Variants in AK7 observed in about 807,000 individuals in gnomAD.
AK7 encodes ATP-AMP transphosphorylase 7.
Under a neutral mutation model 96.6 loss-of-function variants are expected in AK7, and 78 were observed. That is an observed-to-expected ratio of 0.81 (90% CI 0.67 to 0.97). The LOEUF (loss-of-function observed/expected upper bound fraction) is 0.97, where lower values mean the gene tolerates loss of function less well. Ranked by LOEUF, AK7 falls within the 50% of genes least tolerant of loss-of-function variation. AK7 has a pLI of 0.00. For missense variants in AK7, 855 were observed against 887.9 expected (o/e 0.96, Z 0.47); for synonymous variants, 302 against 317.2 (o/e 0.95, Z 0.51).
chr14:96,419,246 A>G (rs993022427), intron 4 of AK7, among the ~76,000 whole-genome samples: 10 of 152,216 alleles, frequency 6.6e-5, no homozygotes, highest in Admixed American at 6.5e-5. Context: ...TGACCTGCAC[A>G]TGCAATGTCC....
intron 12 of AK7, among the ~76,000 whole-genome samples, chr14:96,464,634 G>C (rs907426519): frequency 1.3e-5 from 2 of 150,386 alleles, no homozygotes; most frequent in South Asian, 4.2e-4. Context: ...CAGGCTATTA[G>C]TATTGTTTCT....
intron 16 of AK7, among the ~76,000 whole-genome samples, chr14:96,483,563 A>G (rs2140180427): frequency 6.6e-6 from 1 of 152,130 alleles, no homozygotes; most frequent in African/African-American, 2.4e-5. Context: ...CTGGGACTAC[A>G]GGTGTGCACC....
At chr14:96,484,644 T>C (rs1367107405) in intron 16 of AK7, among the ~76,000 whole-genome samples, 2 of 152,232 alleles carry the variant, frequency 1.3e-5, no homozygotes, top group African/African-American at 4.8e-5. Context: ...GTCTTTCTAG[T>C]GAGGCATTTC....
chr14:96,476,505 C>CAAA (rs34683106), intron 14 of AK7, among the ~76,000 whole-genome samples: 5 of 87,334 alleles, frequency 5.7e-5, no homozygotes, highest in Admixed American at 1.3e-4. Context: ...GACTTTGTCT[C>CAAA]AAAAAAAAAA....
chr14:96,439,848 G>A (rs1892865915), intron 6 of AK7, among the ~76,000 whole-genome samples: 1 of 152,068 alleles, frequency 6.6e-6, no homozygotes, highest in Admixed American at 6.6e-5. Context: ...AATGAGAACA[G>A]AGAAATATTT....
At chr14:96,485,411 C>T (rs1463765029) in intron 16 of AK7, among the ~76,000 whole-genome samples, 1 of 152,188 alleles carries the variant, frequency 6.6e-6, no homozygotes, top group Non-Finnish European at 1.5e-5. Flanking sequence ...TCAAATCCCA[C>T]TCCACTCTCT....
intron 15 of AK7, among the ~76,000 whole-genome samples, chr14:96,482,577 G>A (rs1268352465): frequency 1.3e-5 from 2 of 152,052 alleles, no homozygotes; most frequent in African/African-American, 2.4e-5. Flanking sequence ...TTTATGAATT[G>A]AAAATGTATC....
chr14:96,484,674 A>G (rs1050090398), intron 16 of AK7, among the ~76,000 whole-genome samples: 25 of 152,284 alleles, frequency 1.6e-4, no homozygotes, highest in African/African-American at 5.5e-4. Context: ...GTAAAATTCA[A>G]TGTCTACCCC....
chr14:96,425,248 T>G (rs1420706466), intron 5 of AK7, among the ~76,000 whole-genome samples: 1 of 152,180 alleles, frequency 6.6e-6, no homozygotes, highest in Non-Finnish European at 1.5e-5. Context: ...CTCACAGCCA[T>G]CGATAAAGCA....
At chr14:96,400,784 C>G (rs1362326631) in intron 2 of AK7, among the ~76,000 whole-genome samples, 1 of 152,200 alleles carries the variant, frequency 6.6e-6, no homozygotes, top group African/African-American at 2.4e-5. Context: ...GTCACTTACC[C>G]TTAGATCAAT....
chr14:96,412,206 C>T (rs1401899414), intron 4 of AK7, among the ~76,000 whole-genome samples: 2 of 143,708 alleles, frequency 1.4e-5, no homozygotes, highest in Non-Finnish European at 3.0e-5. Context: ...ACTCCTGGTA[C>T]TTTCTTCCTT....
At chr14:96,451,131 A>T (rs1893578786) in intron 9 of AK7, among the ~76,000 whole-genome samples, 1 of 152,182 alleles carries the variant, frequency 6.6e-6, no homozygotes, top group Non-Finnish European at 1.5e-5. Flanking sequence ...AAACTGCAGT[A>T]TTCAAAAAGT....
intron 15 of AK7, among the ~76,000 whole-genome samples, chr14:96,479,789 GAGAA>G (rs746810540): frequency 5.2e-4 from 79 of 152,192 alleles, no homozygotes; most frequent in Non-Finnish European, 8.8e-4. Context: ...TGGGCTTGGT[GAGAA>G]AGAACCAGCT....
chr14:96,432,202 C>CATT (rs1306999196), intron 5 of AK7, among the ~76,000 whole-genome samples: 6 of 101,194 alleles, frequency 5.9e-5, no homozygotes, highest in Non-Finnish European at 1.1e-4. Context: ...GCAACCCCTG[C>CATT]TTTTTTTTTT....
chr14:96,398,558 C>T (rs143647525), intron 2 of AK7: 143 of 378,482 alleles, frequency 3.8e-4, no homozygotes, highest in African/African-American at 2.7e-3. Context: ...TTATCCAAGA[C>T]GAGTCTGTGC....
At chr14:96,413,629 C>G (rs1891166760) in intron 4 of AK7, among the ~76,000 whole-genome samples, 1 of 152,174 alleles carries the variant, frequency 6.6e-6, no homozygotes, top group Non-Finnish European at 1.5e-5. Flanking sequence ...TACACCCTGC[C>G]CACATCTTCG....
At chr14:96,465,167 G>C (rs1894486336) in intron 12 of AK7, among the ~76,000 whole-genome samples, 1 of 152,120 alleles carries the variant, frequency 6.6e-6, no homozygotes, top group East Asian at 1.9e-4. Flanking sequence ...CTGTATTAAA[G>C]ACCTAAAAAT....
intron 4 of AK7, among the ~76,000 whole-genome samples, chr14:96,409,764 A>G (rs1184562257): frequency 6.6e-6 from 1 of 152,214 alleles, no homozygotes; most frequent in Non-Finnish European, 1.5e-5. Flanking sequence ...CATTCTTCCA[A>G]CATTCTCTTG....
rs566481266 is a variant in AK7 at position 96,481,850 on chromosome 14, G to T, written c.1754-1149G>T. On this transcript the variant is annotated intron_variant, in intron 15 of 17. Transcript: ENST00000267584. The stretch of plus-strand genomic sequence containing the variant: ...CTCCCAAGTAGCTGGAACTACAGGT[G>T]TGCACCACCACACCAGGCTAATTTT... 1.1e-3 allele frequency among the ~76,000 whole-genome samples: 162 copies of T among 151,628 alleles called. 1 individual carries two copies. Among genetic ancestry groups the T allele is most frequent in the Non-Finnish European group, 1.5e-3 (101 of 67,902 alleles).
Sources: allele counts gnomAD v4.1 joint callset (sites outside exome capture counted in the v4.1 genomes callset), GRCh38; gene constraint gnomAD v4.1.1; transcripts MANE v1.5; gene names NCBI Gene and HGNC (gene_info 2026-07-23, HGNC 2026-07-21).